PLD3: variants seen among roughly 807,000 people sequenced by gnomAD.
PLD3 encodes the protein phospholipase D family member 3, also known as 5'-3' exonuclease PLD3.
PLD3 carries 31 observed loss-of-function variants against 58.4 expected under a neutral mutation model. The ratio of observed to expected loss-of-function variants is 0.53; its 90% confidence interval spans 0.40 to 0.72. The LOEUF is 0.72. Ranked by LOEUF, PLD3 falls within the 30% of genes least tolerant of loss-of-function variation. The pLI, the probability that PLD3 is intolerant of heterozygous loss-of-function variation, is 0.00. For synonymous variants in PLD3, 264 were observed against 273.4 expected (o/e 0.97, Z 0.34); for missense variants, 595 against 659.8 (o/e 0.90, Z 1.08).
intron 10 of PLD3, among the ~76,000 whole-genome samples, chr19:40,375,563 T>TCCC (rs2079174193): frequency 6.8e-6 from 1 of 147,742 alleles, no homozygotes; most frequent in Non-Finnish European, 1.5e-5. Flanking sequence ...GGCAGGAGAA[T>TCCC]CGCTTGAACC....
At chr19:40,371,982 G>A (rs1374119083) in intron 9 of PLD3, 109 bp downstream of exon 9, 2 of 858,792 alleles carry the variant, frequency 2.3e-6, no homozygotes, top group Non-Finnish European at 3.8e-6. Context: ...CTGACCATCA[G>A]TTCTCACCCC....
At chr19:40,376,572 C>T in intron 10 of PLD3, 37 bp from the exon 11 acceptor site, 1 of 1,591,542 alleles carries the variant, frequency 6.3e-7, no homozygotes, top group South Asian at 1.1e-5. Flanking sequence ...CAGCCGCCCT[C>T]TGCATCCTGC....
intron 1 of PLD3, among the ~76,000 whole-genome samples, chr19:40,351,245 A>G (rs1052260984): frequency 6.6e-6 from 1 of 151,514 alleles, no homozygotes; most frequent in East Asian, 1.9e-4. Flanking sequence ...CAAAAAAACA[A>G]AACAAAACAA....
intron 1 of PLD3, among the ~76,000 whole-genome samples, chr19:40,364,963 A>G (rs1466004611): frequency 2.0e-5 from 3 of 152,042 alleles, no homozygotes; most frequent in Non-Finnish European, 4.4e-5. Flanking sequence ...TGGCACTAAA[A>G]AAAGAAAAGA....
chr19:40,371,387 C>A, intron 8 of PLD3: 1 of 379,158 alleles, frequency 2.6e-6, no homozygotes, highest in Non-Finnish European at 4.9e-6. Flanking sequence ...TGGGAGGCTT[C>A]CTGAAGGAGG....
intron 9 of PLD3, among the ~76,000 whole-genome samples, chr19:40,373,084 C>G (rs949434645): frequency 2.6e-5 from 4 of 152,130 alleles, no homozygotes; most frequent in African/African-American, 9.7e-5. Flanking sequence ...GCAGGCAACC[C>G]AGGTCTCCCT....
chr19:40,349,095 C>T (rs187853833), intron 1 of PLD3, among the ~76,000 whole-genome samples: 41 of 152,188 alleles, frequency 2.7e-4, no homozygotes, highest in Admixed American at 1.0e-3. Flanking sequence ...CACCATAGGT[C>T]GTAATCGCTC....
At chr19:40,365,487 CATG>C (rs2078894928) in intron 1 of PLD3, 1 of 152,228 alleles carries the variant, frequency 6.6e-6, no homozygotes, top group Non-Finnish European at 1.5e-5. Flanking sequence ...GTTATTCAAC[CATG>C]ATCTCTCCGT....
At chr19:40,376,215 C>T (rs1025027468) in intron 10 of PLD3, 2 of 169,084 alleles carry the variant, frequency 1.2e-5, no homozygotes, top group Admixed American at 6.1e-5. Context: ...ATTAGCCAGG[C>T]GTGGTAGCGC....
At chr19:40,357,871 A>G (rs1218602987) in intron 1 of PLD3, 2 of 152,236 alleles carry the variant, frequency 1.3e-5, no homozygotes, top group Non-Finnish European at 1.5e-5. Context: ...CCTGCCTTCC[A>G]TGGATGATCT....
intron 1 of PLD3, among the ~76,000 whole-genome samples, chr19:40,349,787 C>T (rs185099487): frequency 2.0e-5 from 3 of 150,460 alleles, no homozygotes; most frequent in South Asian, 4.2e-4. Flanking sequence ...GGAGAAACCC[C>T]GTCTCTACTA....
At chr19:40,375,995 T>C (rs2079188968) in intron 10 of PLD3, among the ~76,000 whole-genome samples, 1 of 148,452 alleles carries the variant, frequency 6.7e-6, no homozygotes, top group African/African-American at 2.5e-5. Context: ...GGAGGCTGCA[T>C]TGAGCTATGG....
intron 1 of PLD3, among the ~76,000 whole-genome samples, chr19:40,361,475 A>G (rs1455570899): frequency 6.6e-6 from 1 of 152,026 alleles, no homozygotes; most frequent in African/African-American, 2.4e-5. Flanking sequence ...GGGAACCCAC[A>G]CGTGACCCTG....
intron 1 of PLD3, among the ~76,000 whole-genome samples, chr19:40,364,798 C>T (rs1055468267): frequency 1.5e-5 from 1 of 67,290 alleles, no homozygotes; most frequent in African/African-American, 5.5e-5. Context: ...ACTGCGTCTC[C>T]AAAAAAAAAA....
At chr19:40,367,012 C>G in intron 5 of PLD3, 97 bp downstream of exon 5, 2 of 1,380,762 alleles carry the variant, frequency 1.4e-6, no homozygotes, top group Non-Finnish European at 9.7e-7. Context: ...CCCTACCCAG[C>G]GCTTGCGACA....
At chr19:40,350,275 A>AC (rs992881465) in intron 1 of PLD3, among the ~76,000 whole-genome samples, 34 of 151,962 alleles carry the variant, frequency 2.2e-4, no homozygotes, top group East Asian at 1.2e-3. Flanking sequence ...AAAAAAAAAA[A>AC]AAAAAAAACT....
At chr19:40,367,919 G>C (rs567330157) in intron 6 of PLD3, 40 bp downstream of exon 6, 1 of 1,502,370 alleles carries the variant, frequency 6.7e-7, no homozygotes, top group Non-Finnish European at 8.9e-7. Context: ...CAGGGGCAGG[G>C]GGTGGGAGGC....
At chr19:40,364,906 G>C (rs2078879590) in intron 1 of PLD3, among the ~76,000 whole-genome samples, 1 of 152,028 alleles carries the variant, frequency 6.6e-6, no homozygotes, top group Admixed American at 6.6e-5. Context: ...TGAGGCCGCA[G>C]TGAGCTATGA....
In PLD3 at chr19:40,378,020, G is replaced by A. The variant is rs1379479835; in HGVS notation, c.1320G>A (p.Glu440=). 6.2e-7 allele frequency: 1 copy of A among 1,613,448 alleles called. No individual in the cohort carries two copies. The highest frequency in any genetic ancestry group is 2.2e-5 in the East Asian group (1 of 44,888). The change falls in exon 13 of 13, where the codon GAG becomes GAA. Residue 440 remains glutamate (E), a synonymous_variant. Transcript: ENST00000409735. ...TSNWSGNYFT[E]TAGTSLLVTQ... is the part of the protein sequence containing the mutation. ...ACTGGTCTGGCAACTACTTCACGGA[G>A]ACGGCGGGCACCTCGCTGCTGGTGA...
Sources: gnomAD v4.1 joint callset for allele counts (sites outside exome capture counted in the v4.1 genomes callset) on GRCh38, gnomAD v4.1.1 for gene constraint, MANE v1.5 for transcripts, NCBI Gene and HGNC (gene_info 2026-07-23, HGNC 2026-07-21) for gene names.